Variants in UBASH3B observed in about 807,000 individuals in gnomAD.
UBASH3B encodes ubiquitin associated and SH3 domain containing B, also known as ubiquitin-associated and SH3 domain-containing protein B.
Under a neutral mutation model 83.4 loss-of-function variants are expected in UBASH3B, and 37 were observed. The ratio of observed to expected loss-of-function variants is 0.44; its 90% CI spans 0.34 to 0.58. The LOEUF (loss-of-function observed/expected upper bound fraction) is 0.58. Ranked by LOEUF, UBASH3B falls within the 20% of genes least tolerant of loss-of-function variation. The probability of loss-of-function intolerance (pLI) is 0.01; values close to 1 mark genes in which losing one functional copy is unlikely to be tolerated. For missense variants in UBASH3B, 657 were observed against 827.2 expected (o/e 0.79, Z 2.52); for synonymous variants, 304 against 318.3 (o/e 0.96, Z 0.48).
chr11:122,730,846 C>T (rs1368984222), intron 1 of UBASH3B, among the ~76,000 whole-genome samples: 6 of 152,194 alleles, frequency 3.9e-5, no homozygotes, highest in Non-Finnish European at 8.8e-5. Flanking sequence ...CCGCCCGCCT[C>T]GGCCTCCCAA....
chr11:122,665,190 C>T (rs1293717315), intron 1 of UBASH3B, among the ~76,000 whole-genome samples: 2 of 152,152 alleles, frequency 1.3e-5, no homozygotes, highest in African/African-American at 4.8e-5. Context: ...AGCCACTGCG[C>T]CCGGCTCGTG....
chr11:122,745,554 G>A (rs1012514137), intron 1 of UBASH3B, among the ~76,000 whole-genome samples: 3 of 152,210 alleles, frequency 2.0e-5, no homozygotes, highest in African/African-American at 7.2e-5. Flanking sequence ...AAGAGACTCC[G>A]GCTTTTTCTG....
chr11:122,746,852 A>G (rs947698292), intron 1 of UBASH3B, among the ~76,000 whole-genome samples: 1 of 152,230 alleles, frequency 6.6e-6, no homozygotes, highest in African/African-American at 2.4e-5. Flanking sequence ...ATGGATAGGT[A>G]AAGTGTGGGA....
Position 122,810,036 on chromosome 11 carries a change from C to G in UBASH3B, c.*150C>G. 1 of 936,628 alleles carries G rather than the reference C, an allele frequency of 1.1e-6. No homozygotes were observed. The highest frequency in any genetic ancestry group is 1.7e-5 in the African/African-American group (1 of 59,810). 58.0% of individuals were successfully genotyped at this position (936,628 alleles called of 1,614,324 possible). A position where few individuals can be genotyped will look rare whatever the true frequency, so the allele number is the denominator to read the frequency against. On this transcript the variant is annotated 3_prime_UTR_variant, in exon 14 of 14. Transcript: ENST00000284273. ...CACACTTAAAGTTCTTAAGATGAGA[C>G]TGTGTAAATGAGAGAAAGACTTGAT...
At chr11:122,672,636 A>G (rs1384226741) in intron 1 of UBASH3B, among the ~76,000 whole-genome samples, 1 of 152,138 alleles carries the variant, frequency 6.6e-6, no homozygotes, top group Non-Finnish European at 1.5e-5. Flanking sequence ...TATTTTGTGA[A>G]CTTTAATGAG....
At chr11:122,664,771 C>T (rs1863491691) in intron 1 of UBASH3B, among the ~76,000 whole-genome samples, 1 of 152,252 alleles carries the variant, frequency 6.6e-6, no homozygotes, top group Admixed American at 6.5e-5. Context: ...TGAGCTCTTA[C>T]TGTGCATGCA....
At chr11:122,767,055 G>A (rs1047845591) in intron 1 of UBASH3B, among the ~76,000 whole-genome samples, 2 of 152,110 alleles carry the variant, frequency 1.3e-5, no homozygotes, top group African/African-American at 4.8e-5. Context: ...CGAGGTGGGC[G>A]GATCACGAGG....
chr11:122,744,888 TGTGTGTGTGTGCGCGC>T (rs1861088285), intron 1 of UBASH3B, among the ~76,000 whole-genome samples: 1 of 136,962 alleles, frequency 7.3e-6, no homozygotes, highest in Non-Finnish European at 1.6e-5. Context: ...TGTGTGTGTG[TGTGTGTGTGTGCGCGC>T]GCGCGCGCAC....
intron 1 of UBASH3B, among the ~76,000 whole-genome samples, chr11:122,691,720 G>T (rs1863899828): frequency 6.6e-6 from 1 of 152,200 alleles, no homozygotes; most frequent in African/African-American, 2.4e-5. Flanking sequence ...AGACATTTCT[G>T]GAATCAATGA....
chr11:122,808,476 C>T (rs1861380494), intron 13 of UBASH3B, among the ~76,000 whole-genome samples: 1 of 152,140 alleles, frequency 6.6e-6, no homozygotes, highest in Admixed American at 6.5e-5. Flanking sequence ...TCTGAATTTC[C>T]CTGAGGGAAC....
chr11:122,704,755 C>T (rs1211423477), intron 1 of UBASH3B, among the ~76,000 whole-genome samples: 1 of 152,068 alleles, frequency 6.6e-6, no homozygotes, highest in Non-Finnish European at 1.5e-5. Flanking sequence ...AGTGATCTGC[C>T]CGCCTCGGCC....
intron 1 of UBASH3B, among the ~76,000 whole-genome samples, chr11:122,656,490 C>T (rs1439082548): frequency 6.6e-6 from 1 of 152,164 alleles, no homozygotes; most frequent in Non-Finnish European, 1.5e-5. Flanking sequence ...GTATAGTGCT[C>T]AGCCTCCGCC....
chr11:122,724,991 C>T (rs955711668), intron 1 of UBASH3B, among the ~76,000 whole-genome samples: 2 of 151,354 alleles, frequency 1.3e-5, no homozygotes, highest in Non-Finnish European at 2.9e-5. Context: ...CTTGCTCTTT[C>T]CCCCAGGCTG....
intron 1 of UBASH3B, among the ~76,000 whole-genome samples, chr11:122,772,665 A>G (rs1860665693): frequency 6.6e-6 from 1 of 152,170 alleles, no homozygotes; most frequent in South Asian, 2.1e-4. Flanking sequence ...AAATCCTCCA[A>G]GCTGAGGGCA....
At chr11:122,750,529 A>T (rs1861183574) in intron 1 of UBASH3B, among the ~76,000 whole-genome samples, 1 of 152,252 alleles carries the variant, frequency 6.6e-6, no homozygotes, top group Non-Finnish European at 1.5e-5. Context: ...GTAAGGAACC[A>T]AATTCCATCC....
At chr11:122,753,497 CTTT>C (rs200062623) in intron 1 of UBASH3B, among the ~76,000 whole-genome samples, 42 of 115,660 alleles carry the variant, frequency 3.6e-4, no homozygotes, top group East Asian at 1.7e-3. Context: ...TTTTTTCTTT[CTTT>C]TTTTTTTTTT....
chr11:122,802,157 A>T (rs1861268088), intron 11 of UBASH3B, among the ~76,000 whole-genome samples: 1 of 152,078 alleles, frequency 6.6e-6, no homozygotes, highest in Non-Finnish European at 1.5e-5. Context: ...TCTACTAAAA[A>T]TACAAAAATT....
In UBASH3B at chr11:122,764,396, G is replaced by A. The variant is rs376766943; in HGVS notation, c.162-11823G>A. On this transcript the variant is annotated intron_variant, in intron 1 of 13. Coordinates refer to ENST00000284273, the MANE Select transcript of UBASH3B (RefSeq NM_032873.5). ...CTTCCTTTCTGAAAACGAAAAAAAC[G>A]AGAGCACCAAGTAAGAAATGACTTC... Among the ~76,000 whole-genome samples, 13 of 152,288 alleles carry A rather than the reference G, an allele frequency of 8.5e-5. No individual in the cohort carries two copies. In the East Asian group the frequency reaches 1.9e-3, roughly 23 times the overall value.
At chr11:122,799,177 G>A (rs1039997150) in intron 10 of UBASH3B, 143 bp downstream of exon 10, 6 of 735,196 alleles carry the variant, frequency 8.2e-6, no homozygotes, top group East Asian at 2.8e-5. Flanking sequence ...TTCAGAAGGC[G>A]ATCTTTGCAC....
Sources: allele counts gnomAD v4.1 joint callset (sites outside exome capture counted in the v4.1 genomes callset), GRCh38; gene constraint gnomAD v4.1.1; transcripts MANE v1.5; gene names NCBI Gene and HGNC (gene_info 2026-07-23, HGNC 2026-07-21).